Variants in SLCO3A1 observed in about 807,000 individuals in gnomAD.
The protein encoded by SLCO3A1 is solute carrier organic anion transporter family member 3A1, also known as PGE1 transporter.
A neutral mutation model predicts 63.1 loss-of-function variants in SLCO3A1; 27 were observed. That is an observed-to-expected ratio of 0.43 (90% CI 0.32 to 0.59). The LOEUF is 0.59. Among genes scored for constraint, SLCO3A1 ranks in the 20% least tolerant of loss-of-function variants. SLCO3A1 has a pLI of 0.09. For synonymous variants in SLCO3A1, 473 were observed against 409.9 expected (o/e 1.15, Z -1.86); for missense variants, 773 against 945.8 (o/e 0.82, Z 2.40).
intron 2 of SLCO3A1, among the ~76,000 whole-genome samples, chr15:92,060,828 G>A (rs751031305): frequency 1.3e-5 from 2 of 152,078 alleles, no homozygotes; most frequent in African/African-American, 4.8e-5. Flanking sequence ...TTTTATTTTT[G>A]TTCACTTTTT....
chr15:91,963,581 C>T (rs1000608314), intron 2 of SLCO3A1, among the ~76,000 whole-genome samples: 8 of 152,138 alleles, frequency 5.3e-5, no homozygotes, highest in African/African-American at 1.9e-4. Context: ...GAACTGGTTC[C>T]TTCTGGTGGG....
At chr15:91,935,522 A>G (rs1899380462) in intron 2 of SLCO3A1, among the ~76,000 whole-genome samples, 1 of 152,180 alleles carries the variant, frequency 6.6e-6, no homozygotes, top group Non-Finnish European at 1.5e-5. Context: ...GCCCACCCCT[A>G]TTAGCTACTA....
chr15:92,115,236 C>T (rs746913679), intron 4 of SLCO3A1, among the ~76,000 whole-genome samples: 11 of 152,138 alleles, frequency 7.2e-5, no homozygotes, highest in Non-Finnish European at 1.3e-4. Flanking sequence ...CCTGACCTGG[C>T]CTGCTGCCTG....
chr15:92,146,847 A>C (rs1394827446), intron 7 of SLCO3A1, 137 bp from the exon 8 acceptor site: 19 of 702,888 alleles, frequency 2.7e-5, no homozygotes, highest in African/African-American at 7.4e-5. Flanking sequence ...AAAGCTAACT[A>C]ACTCGTTTAT....
At chr15:92,035,902 C>T (rs2046719586) in intron 2 of SLCO3A1, among the ~76,000 whole-genome samples, 1 of 151,842 alleles carries the variant, frequency 6.6e-6, no homozygotes, top group African/African-American at 2.4e-5. Flanking sequence ...TCCCTGGAGG[C>T]TGGTCCCATC....
chr15:92,063,864 C>CA (rs35023190), intron 2 of SLCO3A1, among the ~76,000 whole-genome samples: 17,814 of 152,056 alleles, frequency 0.12, 1,176 homozygotes, highest in East Asian at 0.27. Flanking sequence ...AGCAAACAAA[C>CA]AAAAAAATCA....
Position 91,898,535 on chromosome 15 carries a change from C to G in SLCO3A1, c.181-17458C>G, listed in dbSNP as rs1484709021. 6.6e-5 allele frequency among the ~76,000 whole-genome samples: 10 copies of G among 152,334 alleles called. No individual in the cohort carries two copies. In the East Asian group the frequency reaches 1.7e-3, roughly 26 times the overall value. On this transcript the variant is annotated intron_variant, in intron 1 of 9. Transcript: ENST00000318445. ...TCTGGAGGGCTGAGAAGGCTGCACT[C>G]CCTTCCTCATTTCCAGTGGATCTGG...
At chr15:92,016,516 G>T (rs2046439706) in intron 2 of SLCO3A1, among the ~76,000 whole-genome samples, 1 of 152,156 alleles carries the variant, frequency 6.6e-6, no homozygotes, top group Admixed American at 6.5e-5. Context: ...CTAGGCAGTG[G>T]CAATCTCTAT....
At chr15:92,018,101 G>A (rs749822692) in intron 2 of SLCO3A1, among the ~76,000 whole-genome samples, 33 of 152,312 alleles carry the variant, frequency 2.2e-4, no homozygotes, top group Non-Finnish European at 3.7e-4. Flanking sequence ...ATGCGTACCC[G>A]AGTACAAGGG....
At chr15:92,025,362 A>C (rs142587379) in intron 2 of SLCO3A1, among the ~76,000 whole-genome samples, 3 of 152,248 alleles carry the variant, frequency 2.0e-5, no homozygotes, top group South Asian at 4.1e-4. Flanking sequence ...ATGATACTTC[A>C]TAGGGTTCTT....
rs1411878087 is a variant in SLCO3A1, at chr15:91,859,311, A to G, written c.180+5223A>G. 1.3e-5 allele frequency among the ~76,000 whole-genome samples: 2 copies of G among 152,210 alleles called. No homozygotes were observed. The highest frequency in any genetic ancestry group is 2.9e-5 in the Non-Finnish European group (2 of 68,038). ...GAAAGATAGCATCCTTACTCTTTCAATTCATTTTTATTTTCGGTTTCTATG... is the reference window on the plus strand; with the variant it reads ...GAAAGATAGCATCCTTACTCTTTCAGTTCATTTTTATTTTCGGTTTCTATG... On this transcript the variant is annotated intron_variant, in intron 1 of 9. Transcript: ENST00000318445. The surrounding 1 kb of genome is among the most constrained non-coding windows in gnomAD (Gnocchi z 5.1).
chr15:92,068,113 A>G (rs1003966710), intron 2 of SLCO3A1, among the ~76,000 whole-genome samples: 1 of 152,194 alleles, frequency 6.6e-6, no homozygotes, highest in Non-Finnish European at 1.5e-5. Flanking sequence ...AAACGTTCAG[A>G]CCATAGCAGT....
chr15:91,900,335 G>T lies in SLCO3A1; in HGVS notation c.181-15658G>T, dbSNP rs1898120323. ...CTTTGTATTGTCTGTTCGTTTGTTT[G>T]TTTTTGTTTTTTGAGATGGAGTCTT... is the stretch of plus-strand genomic sequence containing the variant. On this transcript the variant is annotated intron_variant, in intron 1 of 9. Coordinates refer to ENST00000318445, the MANE Select transcript of SLCO3A1 (RefSeq NM_013272.4). This position sits in a 1 kb window ranked among gnomAD's most constrained non-coding sequence, Gnocchi z 4.3. Among the ~76,000 whole-genome samples the T allele has an allele frequency of 6.6e-6, 1 of 152,078 alleles. No individual in the cohort carries two copies. Among genetic ancestry groups the T allele is most frequent in the Non-Finnish European group, 1.5e-5 (1 of 67,998 alleles).
intron 3 of SLCO3A1, among the ~76,000 whole-genome samples, chr15:92,101,393 C>G (rs1033465428): frequency 1.3e-5 from 2 of 152,096 alleles, no homozygotes; most frequent in Admixed American, 1.3e-4. Flanking sequence ...CCTGTAATCT[C>G]AGCTACTTGA....
intron 4 of SLCO3A1, 106 bp from the exon 5 acceptor site, chr15:92,120,359 A>C: frequency 8.4e-7 from 1 of 1,191,766 alleles, no homozygotes; most frequent in South Asian, 1.5e-5. Flanking sequence ...TGTTTGCTGA[A>C]ATGGACAAGA....
downstream of SLCO3A1, among the ~76,000 whole-genome samples, chr15:92,169,937 A>G (rs746482622): frequency 6.6e-6 from 1 of 152,226 alleles, no homozygotes; most frequent in Non-Finnish European, 1.5e-5. Context: ...CATTTTTGTA[A>G]TAGTGACTCA....
intron 2 of SLCO3A1, among the ~76,000 whole-genome samples, chr15:91,926,601 GCGCGCA>G (rs1382305082): frequency 1.4e-5 from 2 of 148,006 alleles, no homozygotes; most frequent in Admixed American, 6.6e-5. Flanking sequence ...GTGTGTGCGC[GCGCGCA>G]CGCCCATGCT....
intron 4 of SLCO3A1, among the ~76,000 whole-genome samples, chr15:92,115,312 T>C (rs543253819): frequency 6.6e-6 from 1 of 151,932 alleles, no homozygotes; most frequent in Admixed American, 6.5e-5. Flanking sequence ...CAGCCCACTT[T>C]CTCCATGGCT....
downstream of SLCO3A1, among the ~76,000 whole-genome samples, chr15:92,166,291 C>A (rs897590275): frequency 1.1e-4 from 17 of 152,200 alleles, no homozygotes; most frequent in African/African-American, 4.1e-4. Flanking sequence ...CTCTCACGGT[C>A]CCCCCGAGGA....
Sources: gnomAD v4.1 joint callset for allele counts (sites outside exome capture counted in the v4.1 genomes callset) on GRCh38, gnomAD v4.1.1 for gene constraint, Gnocchi (gnomAD v3.1) non-coding constraint, MANE v1.5 for transcripts, NCBI Gene and HGNC (gene_info 2026-07-23, HGNC 2026-07-21) for gene names.